Variants in CNOT10 observed in about 807,000 individuals in gnomAD.
CNOT10 encodes the protein CCR4-NOT transcription complex, subunit 10.
In CNOT10, 30 loss-of-function variants were observed where a neutral mutation model predicts 94.6. The observed-to-expected ratio is 0.32, with a 90% CI of 0.24 to 0.43. The LOEUF is 0.43. CNOT10 is among the 20% of genes least tolerant of loss of function. CNOT10 has a pLI of 1.00. For synonymous variants in CNOT10, 289 were observed against 301.6 expected, an observed-to-expected ratio of 0.96 and a Z score of 0.43; for missense variants, 759 against 877.2, an observed-to-expected ratio of 0.87 and a Z score of 1.70.
chr3:32,753,460 T>C lies in CNOT10; in HGVS notation c.1596-5998T>C, dbSNP rs571966340. 9.9e-4 allele frequency: 1,531 copies of C among 1,550,078 alleles called. 10 individuals are homozygous for C. The highest frequency in any genetic ancestry group is 5.0e-3 in the South Asian group (451 of 89,762). On this transcript the variant is annotated intron_variant, in intron 13 of 18. Transcript: ENST00000328834. ...GGTTAAACTTCCTTCTGGAGAGGATTACAATTTGAAACTGGAACTTCATCC... is the reference window on the plus strand; with the variant it reads ...GGTTAAACTTCCTTCTGGAGAGGATCACAATTTGAAACTGGAACTTCATCC...
chr3:32,720,984 C>T (rs1385743678), intron 8 of CNOT10, among the ~76,000 whole-genome samples: 4 of 141,028 alleles, frequency 2.8e-5, no homozygotes, highest in Non-Finnish European at 4.6e-5. Flanking sequence ...CCTTCCCTTC[C>T]TTCTCTTCCC....
At chr3:32,770,937 T>A (rs1411854637) in intron 18 of CNOT10, among the ~76,000 whole-genome samples, 1 of 152,026 alleles carries the variant, frequency 6.6e-6, no homozygotes, top group Non-Finnish European at 1.5e-5. Flanking sequence ...GGTCTTGAAC[T>A]TCTGACCTCA....
chr3:32,730,461 A>G (rs927186313), intron 10 of CNOT10, among the ~76,000 whole-genome samples: 3 of 152,160 alleles, frequency 2.0e-5, no homozygotes, highest in African/African-American at 7.2e-5. Flanking sequence ...AACTTCATGA[A>G]CACACACAAT....
chr3:32,695,488 A>C (rs1697006078), intron 1 of CNOT10: 1 of 1,302,690 alleles, frequency 7.7e-7, no homozygotes, highest in Non-Finnish European at 1.0e-6. Context: ...TGTAGTCTCC[A>C]CCAATCAGAT....
intron 13 of CNOT10, among the ~76,000 whole-genome samples, chr3:32,757,221 C>G (rs1430494830): frequency 3.5e-5 from 2 of 56,806 alleles, no homozygotes; most frequent in Non-Finnish European, 6.5e-5. Context: ...CTCTTGTTGC[C>G]CAGGCTGGAG....
chr3:32,699,363 C>T (rs1009790617), intron 1 of CNOT10, among the ~76,000 whole-genome samples: 1 of 152,112 alleles, frequency 6.6e-6, no homozygotes, highest in Non-Finnish European at 1.5e-5. Flanking sequence ...CATTGTATTC[C>T]TATACCATGA....
At chr3:32,695,496 G>T in intron 1 of CNOT10, 1 of 1,370,644 alleles carries the variant, frequency 7.3e-7, no homozygotes, top group Non-Finnish European at 9.7e-7. Flanking sequence ...CCACCAATCA[G>T]ATTTGAATGA....
rs1385075896 is a variant in CNOT10 at position 32,759,557 on chromosome 3, G to A, written c.1695G>A (p.Leu565=). The A allele has an allele frequency of 1.2e-6, 2 of 1,613,122 alleles. No individual in the cohort carries two copies. The highest frequency in any genetic ancestry group is 1.3e-5 in the African/African-American group (1 of 74,898). Residue 565 remains leucine, a synonymous_variant, in exon 14 of 19, where the codon CTG becomes CTA. Coordinates refer to ENST00000328834, the MANE Select transcript of CNOT10 (RefSeq NM_015442.3). The part of the protein sequence containing the change: ...HADKLLQQPK[L]SGSLKFLGHL... Reference sequence around the variant, plus strand: ...ATAAACTTCTTCAGCAGCCCAAGCTGTCAGGATCTCTTAAGTAAGTGTGAC... The same window carrying A: ...ATAAACTTCTTCAGCAGCCCAAGCTATCAGGATCTCTTAAGTAAGTGTGAC...
chr3:32,691,565 C>A (rs565551148), intron 1 of CNOT10, among the ~76,000 whole-genome samples: 1 of 152,084 alleles, frequency 6.6e-6, no homozygotes, highest in East Asian at 1.9e-4. Context: ...CCTCGGCCTC[C>A]CAAAGTGCCG....
Position 32,736,259 on chromosome 3 carries a change from G to A in CNOT10, c.1515-1151G>A, listed in dbSNP as rs572189239. 1.7e-4 allele frequency among the ~76,000 whole-genome samples: 26 copies of A among 152,070 alleles called. No individual in the cohort carries two copies. In the South Asian group the frequency reaches 5.2e-3, roughly 30 times the overall value. On this transcript the variant is annotated intron_variant, in intron 12 of 18. Coordinates refer to ENST00000328834, the MANE Select transcript of CNOT10 (RefSeq NM_015442.3). ...GCGCCACTATGCCCGGCTAATTTTTGTATTTTTAGTAGAGATAGGGTTTTG... is the reference window on the plus strand; with the variant it reads ...GCGCCACTATGCCCGGCTAATTTTTATATTTTTAGTAGAGATAGGGTTTTG...
At chr3:32,753,159 A>G in intron 13 of CNOT10, 1 of 620,030 alleles carries the variant, frequency 1.6e-6, no homozygotes, top group South Asian at 1.5e-5. Flanking sequence ...ATGTTGAGAA[A>G]AGGAACATGT....
At chr3:32,723,906 C>G (rs1698533528) in intron 8 of CNOT10, among the ~76,000 whole-genome samples, 1 of 152,104 alleles carries the variant, frequency 6.6e-6, no homozygotes, top group Non-Finnish European at 1.5e-5. Context: ...CACAGGGACC[C>G]TGTCTCTGCA....
At chr3:32,733,157 A>T (rs1203182916) in intron 10 of CNOT10, among the ~76,000 whole-genome samples, 1 of 152,154 alleles carries the variant, frequency 6.6e-6, no homozygotes, top group Non-Finnish European at 1.5e-5. Flanking sequence ...GATTCTAAAT[A>T]AATTATTGGG....
intron 13 of CNOT10, among the ~76,000 whole-genome samples, chr3:32,743,781 G>A (rs1011106620): frequency 3.9e-5 from 6 of 152,132 alleles, no homozygotes; most frequent in South Asian, 4.1e-4. Flanking sequence ...TGTACCTTTC[G>A]TGGGTACAGC....
intron 13 of CNOT10, among the ~76,000 whole-genome samples, chr3:32,740,443 T>C (rs1180356172): frequency 6.6e-6 from 1 of 152,116 alleles, no homozygotes; most frequent in Non-Finnish European, 1.5e-5. Flanking sequence ...CAACAGACTC[T>C]GTCTCAAAAC....
At chr3:32,704,370 T>C (rs780228230) in intron 2 of CNOT10, among the ~76,000 whole-genome samples, 2 of 152,192 alleles carry the variant, frequency 1.3e-5, no homozygotes, top group African/African-American at 2.4e-5. Flanking sequence ...GAATTTTAAC[T>C]TTTTCTGGCA....
chr3:32,728,696 G>A lies in CNOT10; in HGVS notation c.1215+826G>A, dbSNP rs570343344. Among the ~76,000 whole-genome samples the A allele has an allele frequency of 2.6e-5, 4 of 152,272 alleles. No homozygotes were observed. The East Asian group carries it at 7.7e-4, about 29-fold the overall frequency. On this transcript the variant is annotated intron_variant, in intron 10 of 18. Transcript: ENST00000328834. ...GTAAGTATGGCAACATTAAAGAGTT[G>A]AAGCCAGTGAGAAAGTCATGTATGT...
intron 12 of CNOT10, among the ~76,000 whole-genome samples, chr3:32,736,766 A>G (rs553540669): frequency 1.3e-5 from 2 of 152,272 alleles, no homozygotes; most frequent in East Asian, 3.9e-4. Flanking sequence ...AACAGTCTCA[A>G]AAACCCAGTC....
intron 1 of CNOT10, among the ~76,000 whole-genome samples, 186 bp downstream of exon 1, chr3:32,685,668 T>A (rs958612174): frequency 6.6e-6 from 1 of 152,172 alleles, no homozygotes; most frequent in Non-Finnish European, 1.5e-5. Context: ...GGTCCAATAG[T>A]TGTTTTACTC....
Sources: gnomAD v4.1 joint callset for allele counts (sites outside exome capture counted in the v4.1 genomes callset) on GRCh38, gnomAD v4.1.1 for gene constraint, MANE v1.5 for transcripts, NCBI Gene and HGNC (gene_info 2026-07-23, HGNC 2026-07-21) for gene names.